ENG: variants seen among roughly 807,000 people sequenced by gnomAD.
ENG encodes the protein CD105 antigen.
Under a neutral mutation model 71.0 loss-of-function variants are expected in ENG, and 17 were observed. The ratio of observed to expected loss-of-function variants is 0.24; its 90% confidence interval spans 0.16 to 0.36. ENG has a LOEUF of 0.36. Ranked by LOEUF, ENG falls within the 10% of genes least tolerant of loss-of-function variation. The pLI, the probability that ENG is intolerant of heterozygous loss-of-function variation, is 1.00. For missense variants in ENG, 749 were observed against 868.3 expected (o/e 0.86, Z 1.73); for synonymous variants, 360 against 366.9 (o/e 0.98, Z 0.21).
chr9:127,842,976 G>C, intron 2 of ENG, 118 bp downstream of exon 2: 2 of 1,483,968 alleles, frequency 1.3e-6, no homozygotes, highest in Non-Finnish European at 1.9e-6. Context: ...CTCTTGGCAG[G>C]GGGCCTAACG....
chr9:127,823,792 G>C (rs1364089157), intron 8 of ENG, among the ~76,000 whole-genome samples: 1 of 140,104 alleles, frequency 7.1e-6, no homozygotes, highest in East Asian at 2.2e-4. Flanking sequence ...AGCGATTCTT[G>C]TTCCTCAGCC....
rs1830275627 is a variant in ENG at position 127,815,244 on chromosome 9, C to T, written c.*438G>A. On this transcript the variant is annotated 3_prime_UTR_variant, in exon 15 of 15. Transcript: ENST00000373203. ...GTTAGGCAAGTTCAGGTGTGGAGGCCGCAGGGATAGATCCAGGTGGCTCTG... is the reference window on the plus strand; with the variant it reads ...GTTAGGCAAGTTCAGGTGTGGAGGCTGCAGGGATAGATCCAGGTGGCTCTG... 5.9e-6 allele frequency: 1 copy of T among 168,940 alleles called. No homozygotes were observed. Among genetic ancestry groups the T allele is most frequent in the Non-Finnish European group, 1.3e-5 (1 of 78,592 alleles). The allele number at this position is 168,940 out of a possible 1,614,324, so 10.5% of individuals were successfully genotyped here. A position where few individuals can be genotyped will look rare whatever the true frequency, so the allele number is the denominator to read the frequency against.
chr9:127,840,334 G>T (rs1831001649), intron 2 of ENG, among the ~76,000 whole-genome samples: 1 of 152,222 alleles, frequency 6.6e-6, no homozygotes, highest in African/African-American at 2.4e-5. Flanking sequence ...AGTGGCTCAT[G>T]CCTGTAATCC....
At chr9:127,816,272 G>T (rs961574377) in intron 13 of ENG, 2 of 636,436 alleles carry the variant, frequency 3.1e-6, no homozygotes, top group Non-Finnish European at 2.8e-6. Context: ...GCCCAGCCAG[G>T]CCTTTTGGGT....
At chr9:127,833,695 G>T (rs1356306164) in intron 2 of ENG, among the ~76,000 whole-genome samples, 1 of 152,116 alleles carries the variant, frequency 6.6e-6, no homozygotes, top group Non-Finnish European at 1.5e-5. Context: ...ATGAAAAAGG[G>T]GAAGGCTATT....
At chr9:127,847,472 T>G (rs1211941359) in intron 1 of ENG, among the ~76,000 whole-genome samples, 1 of 152,066 alleles carries the variant, frequency 6.6e-6, no homozygotes. Flanking sequence ...CCCTTTTCTT[T>G]TCTGAGATAG....
At position 127,819,614 on chromosome 9, in the gene ENG, C is replaced by T; in HGVS notation, c.1311+8G>A. The T allele has an allele frequency of 6.2e-7, 1 of 1,613,208 alleles. No individual in the cohort carries two copies. Among genetic ancestry groups the T allele is most frequent in the Non-Finnish European group, 8.5e-7 (1 of 1,179,858 alleles). On this transcript the variant is annotated splice_region_variant and intron_variant, in intron 10 of 14. Coordinates refer to ENST00000373203, the MANE Select transcript of ENG (RefSeq NM_001114753.3). The stretch of plus-strand genomic sequence containing the variant: ...CCAGGTGGGTTAGCACGTGACTGTC[C>T]ATCTCACCCGCTGTGGTGATGAGCT...
intron 12 of ENG, chr9:127,817,412 T>C: frequency 1.6e-6 from 1 of 625,008 alleles, no homozygotes; most frequent in South Asian, 1.8e-5. Flanking sequence ...GCTGAAATGT[T>C]TCCTGTGAGT....
In ENG at chr9:127,819,651, T is replaced by G. The variant is rs875989811; in HGVS notation, c.1282A>C (p.Asn428His). 1.2e-5 allele frequency: 19 copies of G among 1,611,414 alleles called. No homozygotes were observed. Among genetic ancestry groups the G allele is most frequent in the Non-Finnish European group, 1.6e-5 (19 of 1,178,868 alleles). ...TGTGGTGATGAGCTCGACAGGATAT[T>G]GACCACCGCCTGCGGGGATAAAGCC... Reference protein sequence around the residue: ...ASMISNEAVVNILSSSSPQRK... With the variant: ...ASMISNEAVVHILSSSSPQRK... Residue 428 changes from asparagine (N) to histidine (H), a missense_variant, in exon 10 of 15, where the codon AAT becomes CAT. By Grantham distance (68) the Asn-to-His change is moderately conservative (BLOSUM62 1). Coordinates refer to ENST00000373203, the MANE Select transcript of ENG (RefSeq NM_001114753.3).
chr9:127,823,673 CTTTTTTT>C (rs1017053002), intron 8 of ENG, among the ~76,000 whole-genome samples: 14 of 99,036 alleles, frequency 1.4e-4, no homozygotes, highest in East Asian at 3.0e-4. Flanking sequence ...CAGGCACCGG[CTTTTTTT>C]TTTTTTTTTT....
chr9:127,849,581 C>T (rs1467039379), intron 1 of ENG, among the ~76,000 whole-genome samples: 1 of 152,026 alleles, frequency 6.6e-6, no homozygotes. Flanking sequence ...TGAGATTTCA[C>T]CTAAGGATGA....
At chr9:127,816,281 G>A in intron 13 of ENG, 1 of 617,262 alleles carries the variant, frequency 1.6e-6, no homozygotes, top group East Asian at 2.8e-5. Context: ...GGCCTTTTGG[G>A]TCATGCCTCT....
chr9:127,849,952 C>G (rs868739753), intron 1 of ENG, among the ~76,000 whole-genome samples: 6 of 152,230 alleles, frequency 3.9e-5, no homozygotes, highest in African/African-American at 1.4e-4. Context: ...ACACATACCA[C>G]GCTTAGAGCA....
At chr9:127,839,730 AT>A (rs1378821866) in intron 2 of ENG, among the ~76,000 whole-genome samples, 2 of 151,866 alleles carry the variant, frequency 1.3e-5, no homozygotes, top group African/African-American at 4.8e-5. Flanking sequence ...TAATTTTTGT[AT>A]TTTTAGTAGA....
At position 127,854,504 on chromosome 9, in the gene ENG, G is replaced by C; in HGVS notation, c.-149C>G. ...GGCGTCCCTGCTCCAGCCTTCTGGGGTGGCGGCCGAGGGGTCAGGAGAAGT... is the reference window on the plus strand; with the variant it reads ...GGCGTCCCTGCTCCAGCCTTCTGGGCTGGCGGCCGAGGGGTCAGGAGAAGT... On this transcript the variant is annotated 5_prime_UTR_variant, in exon 1 of 15. Transcript: ENST00000373203. 1 of 821,058 alleles carries C rather than the reference G, an allele frequency of 1.2e-6. No homozygotes were observed. Among genetic ancestry groups the C allele is most frequent in the Non-Finnish European group, 1.9e-6 (1 of 535,092 alleles). The allele number at this position is 821,058 out of a possible 1,614,324, so 50.9% of individuals were successfully genotyped here. A position where few individuals can be genotyped will look rare whatever the true frequency, so the allele number is the denominator to read the frequency against.
intron 2 of ENG, among the ~76,000 whole-genome samples, chr9:127,835,520 A>G (rs1005717547): frequency 2.0e-5 from 3 of 152,154 alleles, no homozygotes; most frequent in Admixed American, 1.3e-4. Flanking sequence ...GCCAGGACAC[A>G]GCACAGCCTG....
chr9:127,815,930 C>G lies in ENG; in HGVS notation c.1852+13G>C, dbSNP rs1437793442. On this transcript the variant is annotated intron_variant, in intron 14 of 14. Transcript: ENST00000373203. ...GGCCCGGCATGCTCACTGTGGGGGC[C>G]TGGGGTACTCACGCGTGTGCGAGTA... 2 of 1,589,968 alleles carry G rather than the reference C, an allele frequency of 1.3e-6. No homozygotes were observed. The highest frequency in any genetic ancestry group is 1.3e-5 in the African/African-American group (1 of 74,684).
Position 127,824,372 on chromosome 9 carries a change from T to C in ENG, c.1066A>G (p.Met356Val). ...GCACACTTTGTCTGGATCAAGGACA[T>C]GAGCAGCTCCGGGCTACAAGTGTCC... ...PKDTCSPELL[M>V]SLIQTKCADD... is the part of the protein sequence containing the mutation. The change falls in exon 8 of 15, where the codon ATG becomes GTG. Residue 356 changes from methionine to valine, a missense_variant. Met to Val is a conservative substitution (Grantham distance 21, BLOSUM62 1). Transcript: ENST00000373203. The C allele has an allele frequency of 6.2e-7, 1 of 1,614,138 alleles. No homozygotes were observed. Among genetic ancestry groups the C allele is most frequent in the Non-Finnish European group, 8.5e-7 (1 of 1,180,012 alleles).
intron 2 of ENG, among the ~76,000 whole-genome samples, chr9:127,833,053 G>A (rs1368259857): frequency 1.3e-5 from 2 of 152,082 alleles, no homozygotes; most frequent in Admixed American, 6.5e-5. Flanking sequence ...CACTGCACCC[G>A]GCCGCTCTCA....
Sources: gnomAD v4.1 joint callset for allele counts (sites outside exome capture counted in the v4.1 genomes callset) on GRCh38, gnomAD v4.1.1 for gene constraint, MANE v1.5 for transcripts, NCBI Gene and HGNC (gene_info 2026-07-23, HGNC 2026-07-21) for gene names.